The following ADAMTSL1 variants were observed in gnomAD, a reference collection of about 807,000 sequenced individuals.
ADAMTSL1 encodes ADAMTS like 1, also known as ADAMTS-like protein 1.
In ADAMTSL1, 126 loss-of-function variants were observed where a neutral mutation model predicts 201.8. The ratio of observed to expected loss-of-function variants is 0.62; its 90% confidence interval spans 0.54 to 0.72. ADAMTSL1 has a LOEUF of 0.72. Ranked by LOEUF, ADAMTSL1 falls within the 30% of genes least tolerant of loss-of-function variation. The probability of loss-of-function intolerance (pLI) is 0.00; values close to 1 mark genes in which losing one functional copy is unlikely to be tolerated. For synonymous variants in ADAMTSL1, 1,121 were observed against 903.4 expected (o/e 1.24, Z -4.32); for missense variants, 2,679 against 2,277.8 (o/e 1.18, Z -3.59).
chr9:18,074,250 G>A (rs1823095117), intron 1 of ADAMTSL1, among the ~76,000 whole-genome samples: 1 of 152,206 alleles, frequency 6.6e-6, no homozygotes, highest in South Asian at 2.1e-4. Context: ...AGCTTCTGTG[G>A]TCATTTTCTT....
chr9:18,786,277 A>G (rs1197204549), intron 19 of ADAMTSL1, among the ~76,000 whole-genome samples: 1 of 152,132 alleles, frequency 6.6e-6, no homozygotes, highest in Non-Finnish European at 1.5e-5. Context: ...TTCTGGGCCT[A>G]GGTGTTCCCA....
chr9:18,593,058 A>T (rs1313290996), intron 4 of ADAMTSL1, among the ~76,000 whole-genome samples: 3 of 152,124 alleles, frequency 2.0e-5, no homozygotes, highest in African/African-American at 7.2e-5. Context: ...ATTTTTATAC[A>T]TTAATTTTGT....
intron 2 of ADAMTSL1, among the ~76,000 whole-genome samples, chr9:18,461,871 C>A (rs773027725): frequency 2.0e-5 from 3 of 152,052 alleles, no homozygotes; most frequent in African/African-American, 7.2e-5. Context: ...CCAGGACACG[C>A]CCCCTCCACT....
intron 2 of ADAMTSL1, among the ~76,000 whole-genome samples, chr9:18,517,442 A>AGTTTTAG (rs2132008478): frequency 6.6e-6 from 1 of 151,172 alleles, no homozygotes; most frequent in Admixed American, 6.6e-5. Context: ...TTATACTTTA[A>AGTTTTAG]GTTTTAGGAT....
At chr9:18,216,897 T>G (rs1830076550) in intron 2 of ADAMTSL1, among the ~76,000 whole-genome samples, 1 of 152,084 alleles carries the variant, frequency 6.6e-6, no homozygotes, top group Non-Finnish European at 1.5e-5. Flanking sequence ...ACTTTACCCC[T>G]TACCAGCTGT....
At chr9:17,931,165 G>C (rs1826768036) in intron 1 of ADAMTSL1, among the ~76,000 whole-genome samples, 1 of 152,172 alleles carries the variant, frequency 6.6e-6, no homozygotes, top group Non-Finnish European at 1.5e-5. Context: ...ACGACATCAT[G>C]ATACTGCACT....
chr9:18,159,763 G>C (rs75699073), intron 1 of ADAMTSL1, among the ~76,000 whole-genome samples: 61 of 152,128 alleles, frequency 4.0e-4, no homozygotes, highest in African/African-American at 1.4e-3. Flanking sequence ...GCCACTGAAA[G>C]TCAGGTCAGT....
chr9:18,414,893 T>C (rs1022283744), intron 2 of ADAMTSL1, among the ~76,000 whole-genome samples: 1 of 151,936 alleles, frequency 6.6e-6, no homozygotes, highest in Non-Finnish European at 1.5e-5. Flanking sequence ...TCCCAAAGAG[T>C]GGGAGGTAAT....
rs1023157015 is a variant in ADAMTSL1, at chr9:18,910,643, C to G, written c.*2095C>G. On this transcript the variant is annotated 3_prime_UTR_variant, in exon 29 of 29. Coordinates refer to ENST00000380548, the MANE Select transcript of ADAMTSL1 (RefSeq NM_001040272.6). ...CTAATGTGGTTAATTATTTCTAGTTCGATAGTGATTGAAAATCAGTGGTCA... is the reference window on the plus strand; with the variant it reads ...CTAATGTGGTTAATTATTTCTAGTTGGATAGTGATTGAAAATCAGTGGTCA... 2.6e-5 allele frequency: 4 copies of G among 152,182 alleles called. No individual in the cohort carries two copies. Among genetic ancestry groups the G allele is most frequent in the African/African-American group, 9.7e-5 (4 of 41,430 alleles). The allele number at this position is 152,182 out of a possible 1,614,324, so 9.4% of individuals were successfully genotyped here.
At chr9:18,327,934 C>T (rs1246100174) in intron 2 of ADAMTSL1, among the ~76,000 whole-genome samples, 1 of 151,958 alleles carries the variant, frequency 6.6e-6, no homozygotes, top group Non-Finnish European at 1.5e-5. Context: ...GATGGTTTTC[C>T]TGTTTTTTGT....
intron 17 of ADAMTSL1, among the ~76,000 whole-genome samples, chr9:18,771,929 A>G: frequency 6.6e-6 from 1 of 152,176 alleles, no homozygotes; most frequent in East Asian, 1.9e-4. Flanking sequence ...ATTGCAATTA[A>G]GAGTTAACTT....
intron 1 of ADAMTSL1, among the ~76,000 whole-genome samples, chr9:18,027,219 C>T (rs1820739331): frequency 6.6e-6 from 1 of 151,194 alleles, no homozygotes; most frequent in African/African-American, 2.4e-5. Context: ...TCATTCAGTG[C>T]TGCTCTAGTT....
At chr9:18,326,103 G>A (rs1373563486) in intron 2 of ADAMTSL1, among the ~76,000 whole-genome samples, 4 of 152,114 alleles carry the variant, frequency 2.6e-5, no homozygotes, top group Non-Finnish European at 5.9e-5. Context: ...CCTTGTAAAG[G>A]CCCCACCTCT....
At chr9:18,648,612 G>C (rs1345661931) in intron 7 of ADAMTSL1, among the ~76,000 whole-genome samples, 3 of 151,414 alleles carry the variant, frequency 2.0e-5, no homozygotes, top group African/African-American at 4.8e-5. Context: ...GCATTTGCTT[G>C]TCTATAAAGT....
At chr9:18,120,915 C>G (rs1825468067) in intron 1 of ADAMTSL1, among the ~76,000 whole-genome samples, 1 of 152,070 alleles carries the variant, frequency 6.6e-6, no homozygotes, top group Admixed American at 6.6e-5. Flanking sequence ...CACTCCCTTC[C>G]CCACCCTCCA....
chr9:18,798,540 G>A (rs1286609319), intron 20 of ADAMTSL1, among the ~76,000 whole-genome samples: 3 of 152,208 alleles, frequency 2.0e-5, no homozygotes, highest in Non-Finnish European at 4.4e-5. Context: ...TACAGTGGGA[G>A]AGACTCCTTT....
At chr9:18,812,119 GCAAAGGA>G (rs1299449657) in intron 20 of ADAMTSL1, among the ~76,000 whole-genome samples, 1 of 152,120 alleles carries the variant, frequency 6.6e-6, no homozygotes, top group Non-Finnish European at 1.5e-5. Context: ...ATATGAAAAA[GCAAAGGA>G]ACTAGAATAG....
intron 13 of ADAMTSL1, among the ~76,000 whole-genome samples, chr9:18,688,259 G>A (rs960174548): frequency 7.9e-5 from 12 of 151,828 alleles, no homozygotes; most frequent in African/African-American, 2.9e-4. Context: ...GCATAGCTGG[G>A]ATTACAGGTG....
chr9:18,270,050 A>T (rs1832296481), intron 2 of ADAMTSL1, among the ~76,000 whole-genome samples: 1 of 152,144 alleles, frequency 6.6e-6, no homozygotes, highest in Non-Finnish European at 1.5e-5. Context: ...TAGTCCATAT[A>T]GGCTGCTATA....
Sources: allele counts gnomAD v4.1 joint callset (sites outside exome capture counted in the v4.1 genomes callset), GRCh38; gene constraint gnomAD v4.1.1; transcripts MANE v1.5; gene names NCBI Gene and HGNC (gene_info 2026-07-23, HGNC 2026-07-21).